The following MPHOSPH6 variants were observed in gnomAD, a reference collection of about 807,000 sequenced individuals.
MPHOSPH6 encodes M-phase phosphoprotein 6.
MPHOSPH6 carries 25 observed loss-of-function variants against 21.8 expected under a neutral mutation model. That is an observed-to-expected ratio of 1.15 (90% CI 0.83 to 1.60). The LOEUF (loss-of-function observed/expected upper bound fraction) is 1.60, where lower values mean the gene tolerates loss of function less well. Among genes scored for constraint, MPHOSPH6 ranks in the 40% most tolerant of loss-of-function variants. MPHOSPH6 has a pLI of 0.00. For missense variants in MPHOSPH6, 269 were observed against 181.8 expected, an observed-to-expected ratio of 1.48 and a Z score of -2.76; for synonymous variants, 84 against 56.5, an observed-to-expected ratio of 1.49 and a Z score of -2.18.
chr16:82,152,619 A>G (rs1406626052), intron 2 of MPHOSPH6, among the ~76,000 whole-genome samples: 1 of 152,144 alleles, frequency 6.6e-6, no homozygotes, highest in Admixed American at 6.5e-5. Context: ...GTTGCACCAG[A>G]ACCAAAATCA....
chr16:82,167,337 C>A lies in MPHOSPH6; in HGVS notation c.51+2788G>T, dbSNP rs77208514. ...GCATTGAAGTGAGTCAGGATTAAAT[C>A]CTCAACCCTCTTATACTTGCCTAAA... is the stretch of plus-strand genomic sequence containing the variant. On this transcript the variant is annotated intron_variant, in intron 1 of 4. Coordinates refer to ENST00000258169, the MANE Select transcript of MPHOSPH6 (RefSeq NM_005792.2). Among the ~76,000 whole-genome samples, 141 of 152,284 alleles carry A rather than the reference C, an allele frequency of 9.3e-4. 2 individuals are homozygous for A. The East Asian group carries it at 0.023, about 25-fold the overall frequency.
Position 82,163,686 on chromosome 16 carries a change from T to C in MPHOSPH6, c.164+396A>G, listed in dbSNP as rs75226188. Among the ~76,000 whole-genome samples, 727 of 152,266 alleles carry C rather than the reference T, an allele frequency of 4.8e-3. 9 individuals carry two copies. Among genetic ancestry groups the C allele is most frequent in the African/African-American group, 0.016 (682 of 41,536 alleles). ...CAATTTAAAAGAAGAAACAAAAACT[T>C]CTGACCTGCCTTAAAATGCTCAACC... is the stretch of plus-strand genomic sequence containing the variant. On this transcript the variant is annotated intron_variant, in intron 2 of 4. Coordinates refer to ENST00000258169, the MANE Select transcript of MPHOSPH6 (RefSeq NM_005792.2).
intron 2 of MPHOSPH6, among the ~76,000 whole-genome samples, chr16:82,160,486 A>G (rs1221405046): frequency 6.6e-6 from 1 of 152,216 alleles, no homozygotes; most frequent in African/African-American, 2.4e-5. Flanking sequence ...CTTTGCAAGG[A>G]TATCTGCATA....
At chr16:82,166,295 A>G (rs912192464) in intron 1 of MPHOSPH6, among the ~76,000 whole-genome samples, 8 of 152,252 alleles carry the variant, frequency 5.3e-5, no homozygotes, top group Non-Finnish European at 8.8e-5. Flanking sequence ...CTGTGTGTAC[A>G]TCCTCATCCC....
In MPHOSPH6 at chr16:82,149,327, T is replaced by G; in HGVS notation, c.332A>C (p.Asp111Ala). 1 of 1,613,360 alleles carries G rather than the reference T, an allele frequency of 6.2e-7. No homozygotes were observed. Among genetic ancestry groups the G allele is most frequent in the East Asian group, 2.2e-5 (1 of 44,884 alleles). The change falls in exon 4 of 5, where the codon GAT becomes GCT. Residue 111 changes from aspartate (D) to alanine (A), a missense_variant. Coordinates refer to ENST00000258169, the MANE Select transcript of MPHOSPH6 (RefSeq NM_005792.2). ...EDETVELDVS[D>A]EEMARRYETL... The stretch of plus-strand genomic sequence containing the variant: ...CGGTTACCTTCTAGCCATCTCTTCA[T>G]CTGACACATCAAGCTCTACTGTTTC...
intron 2 of MPHOSPH6, 63 bp from the exon 3 acceptor site, chr16:82,151,577 C>T (rs1906265716): frequency 1.3e-6 from 2 of 1,482,536 alleles, no homozygotes; most frequent in Non-Finnish European, 1.8e-6. Flanking sequence ...AAAGCCAACA[C>T]TTTGAATAAA....
At chr16:82,154,000 T>A (rs112083774) in intron 2 of MPHOSPH6, among the ~76,000 whole-genome samples, 1 of 152,190 alleles carries the variant, frequency 6.6e-6, no homozygotes, top group Non-Finnish European at 1.5e-5. Flanking sequence ...ATCTCTCATC[T>A]AAAGATCTGT....
At chr16:82,149,470 T>A in intron 3 of MPHOSPH6, 67 bp from the exon 4 acceptor site, 1 of 1,358,190 alleles carries the variant, frequency 7.4e-7, no homozygotes, top group Non-Finnish European at 1.0e-6. Context: ...ATGTCAAACT[T>A]ACCTGAAGGC....
intron 2 of MPHOSPH6, among the ~76,000 whole-genome samples, chr16:82,153,557 C>G (rs1045427729): frequency 6.6e-6 from 1 of 152,156 alleles, no homozygotes; most frequent in Admixed American, 6.5e-5. Context: ...AAGGCACAAA[C>G]TGAAGTTTGG....
chr16:82,163,639 T>A (rs1906672954), intron 2 of MPHOSPH6, among the ~76,000 whole-genome samples: 2 of 152,216 alleles, frequency 1.3e-5, no homozygotes, highest in Non-Finnish European at 2.9e-5. Flanking sequence ...TTAGCTAAAA[T>A]GGATGGTATT....
intron 2 of MPHOSPH6, among the ~76,000 whole-genome samples, chr16:82,156,259 T>C (rs1597161252): frequency 6.6e-6 from 1 of 152,160 alleles, no homozygotes; most frequent in Admixed American, 6.5e-5. Flanking sequence ...TATGTAAGTT[T>C]TGTCTCAAAA....
At chr16:82,167,869 T>C (rs4889479) in intron 1 of MPHOSPH6, among the ~76,000 whole-genome samples, 108,529 of 152,102 alleles carry the variant, frequency 0.71, 39,781 homozygotes, top group Admixed American at 0.81. Flanking sequence ...GGACTGGTGC[T>C]GGTCCATGGC....
chr16:82,157,352 G>C (rs1214930401), intron 2 of MPHOSPH6, among the ~76,000 whole-genome samples: 2 of 152,168 alleles, frequency 1.3e-5, no homozygotes, highest in Admixed American at 1.3e-4. Flanking sequence ...CCAAAACAAG[G>C]ATGAATATCC....
At chr16:82,165,736 G>A (rs867100770) in intron 1 of MPHOSPH6, among the ~76,000 whole-genome samples, 1 of 152,228 alleles carries the variant, frequency 6.6e-6, no homozygotes, top group East Asian at 1.9e-4. Context: ...TGCAGCCTAC[G>A]AACAACAGGC....
At chr16:82,152,213 C>G (rs978941135) in intron 2 of MPHOSPH6, among the ~76,000 whole-genome samples, 1 of 151,976 alleles carries the variant, frequency 6.6e-6, no homozygotes, top group Admixed American at 6.6e-5. Flanking sequence ...AGATTTTTTT[C>G]AAAAAATTTC....
intron 2 of MPHOSPH6, among the ~76,000 whole-genome samples, chr16:82,154,895 G>A (rs1906381176): frequency 6.6e-6 from 1 of 152,088 alleles, no homozygotes; most frequent in Non-Finnish European, 1.5e-5. Flanking sequence ...TCATTTTATG[G>A]CCAAAACCAA....
intron 2 of MPHOSPH6, among the ~76,000 whole-genome samples, chr16:82,154,736 A>G (rs1410000803): frequency 6.6e-6 from 1 of 152,188 alleles, no homozygotes; most frequent in Non-Finnish European, 1.5e-5. Flanking sequence ...TATCAAATAA[A>G]TGGAATTCAT....
chr16:82,165,651 A>G (rs867832107), intron 1 of MPHOSPH6, among the ~76,000 whole-genome samples: 2 of 113,646 alleles, frequency 1.8e-5, no homozygotes, highest in Non-Finnish European at 4.0e-5. Flanking sequence ...CTATATCTAG[A>G]TATGTTTAGA....
At chr16:82,163,923 C>G (rs1414970419) in intron 2 of MPHOSPH6, 159 bp downstream of exon 2, 3 of 565,994 alleles carry the variant, frequency 5.3e-6, no homozygotes, top group Non-Finnish European at 9.2e-6. Flanking sequence ...CCATGTACAA[C>G]TTCTATAGGT....
Sources: allele counts gnomAD v4.1 joint callset (sites outside exome capture counted in the v4.1 genomes callset), GRCh38; gene constraint gnomAD v4.1.1; transcripts MANE v1.5; gene names NCBI Gene and HGNC (gene_info 2026-07-23, HGNC 2026-07-21).